The following HECTD4 variants were observed in gnomAD, a reference collection of about 807,000 sequenced individuals.
HECTD4 encodes the protein HECT domain E3 ubiquitin protein ligase 4.
A neutral mutation model predicts 471.5 loss-of-function variants in HECTD4; 114 were observed. The observed-to-expected ratio is 0.24, with a 90% confidence interval of 0.21 to 0.28. The LOEUF (loss-of-function observed/expected upper bound fraction) is 0.28. Among genes scored for constraint, HECTD4 ranks in the 10% least tolerant of loss-of-function variants. The pLI, the probability that HECTD4 is intolerant of heterozygous loss-of-function variation, is 1.00. For missense variants in HECTD4, 3,866 were observed against 5,651.5 expected, an observed-to-expected ratio of 0.68 and a Z score of 10.13; for synonymous variants, 2,012 against 2,256.0, an observed-to-expected ratio of 0.89 and a Z score of 3.07.
At position 112,166,155 on chromosome 12, in the gene HECTD4, TC is replaced by T. The variant is rs1437312656; in HGVS notation, c.12534+1161del. 1 of 152,282 alleles carries T rather than the reference TC, an allele frequency of 6.6e-6. No homozygotes were observed. 9.4% of individuals were successfully genotyped at this position (152,282 alleles called of 1,614,324 possible). On this transcript the variant is annotated intron_variant, in intron 72 of 75. Coordinates refer to ENST00000682272, the MANE Select transcript of HECTD4 (RefSeq NM_001388303.1). The surrounding 1 kb of genome is among the most constrained non-coding windows in gnomAD (Gnocchi z 4.6). ...GCTGCACCCAGAGCCCCAGGAGGACTCCTCGGAGGAGTGCAGGAGACGCATA... is the reference window on the plus strand; with the variant it reads ...GCTGCACCCAGAGCCCCAGGAGGACTCTCGGAGGAGTGCAGGAGACGCATA...
Position 112,235,863 on chromosome 12 carries a change from G to T in HECTD4, c.5445-79C>A. On this transcript the variant is annotated intron_variant, in intron 35 of 75. Transcript: ENST00000682272. This position sits in a 1 kb window ranked among gnomAD's most constrained non-coding sequence, Gnocchi z 5.0. Reference sequence around the variant, plus strand: ...ATTCAGAAGCAAGAGTTCTCTGAATGAAACAAACCAATGAAATCTGATTTC... The same window carrying T: ...ATTCAGAAGCAAGAGTTCTCTGAATTAAACAAACCAATGAAATCTGATTTC... 1.7e-6 allele frequency: 2 copies of T among 1,207,106 alleles called. No homozygotes were observed. Among genetic ancestry groups the T allele is most frequent in the Non-Finnish European group, 2.3e-6 (2 of 872,530 alleles). The allele number at this position is 1,207,106 out of a possible 1,614,324, so 74.8% of individuals were successfully genotyped here.
chr12:112,343,310 T>C (rs995571399), intron 1 of HECTD4, among the ~76,000 whole-genome samples: 3 of 152,238 alleles, frequency 2.0e-5, no homozygotes, highest in African/African-American at 7.2e-5. Flanking sequence ...TGACATTCTA[T>C]TTCTTTGAAC....
At position 112,235,052 on chromosome 12, in the gene HECTD4, T is replaced by C; in HGVS notation, c.5915+25A>G. 2 of 1,548,390 alleles carry C rather than the reference T, an allele frequency of 1.3e-6. No homozygotes were observed. Among genetic ancestry groups the C allele is most frequent in the Non-Finnish European group, 1.7e-6 (2 of 1,144,690 alleles). On this transcript the variant is annotated intron_variant, in intron 37 of 75. Transcript: ENST00000682272. This position sits in a 1 kb window ranked among gnomAD's most constrained non-coding sequence, Gnocchi z 5.0. ...GACATGGGTGGTGCTTGAGGATGTG[T>C]AGCTATCACAATCATTATGGTCACC...
At chr12:112,167,059 C>T (rs949088653) in intron 72 of HECTD4, 2 of 386,742 alleles carry the variant, frequency 5.2e-6, no homozygotes, top group East Asian at 4.4e-5. Context: ...CATGGCCAGG[C>T]AATGAGCACC....
rs769772830 is a variant in HECTD4, at chr12:112,179,212, G to A, written c.11173C>T (p.Arg3725Trp). Residue 3725 changes from arginine to tryptophan, a missense_variant, in exon 63 of 76, where the codon CGG becomes TGG. Around this residue, in one of 16 missense-constraint regions of HECTD4, gnomAD observed 715 missense variants for 1,087.6 expected, o/e 0.66. Coordinates refer to ENST00000682272, the MANE Select transcript of HECTD4 (RefSeq NM_001388303.1). This position sits in a 1 kb window ranked among gnomAD's most constrained non-coding sequence, Gnocchi z 4.3. ...TCCTCCAGCACCTTTTTTGGCGGCC[G>A]GACATTGGTGAAGAAGAGGTGGAGG... is the stretch of plus-strand genomic sequence containing the variant. ...NLLHLFFTNVRPPKKVLEDQL... is the reference protein window; with the variant it reads ...NLLHLFFTNVWPPKKVLEDQL... The A allele has an allele frequency of 1.1e-5, 17 of 1,613,770 alleles. No individual in the cohort carries two copies. The highest frequency in any genetic ancestry group is 8.8e-5 in the South Asian group (8 of 91,024).
At position 112,239,144 on chromosome 12, in the gene HECTD4, T is replaced by G. The variant is rs1211013275; in HGVS notation, c.5198A>C (p.Glu1733Ala). The G allele has an allele frequency of 1.2e-6, 2 of 1,614,000 alleles. No homozygotes were observed. The highest frequency in any genetic ancestry group is 2.2e-5 in the South Asian group (2 of 91,072). Reference protein sequence around the residue: ...LSNQTESSSSEKQTKKQKVAT... With the variant: ...LSNQTESSSSAKQTKKQKVAT... ...CACCTTCTGCTTCTTGGTCTGTTTC[T>G]CACTGGAGCTGGACTCGGTCTGATT... The change falls in exon 34 of 76, where the codon GAG becomes GCG. Residue 1733 changes from glutamate (E) to alanine (A), a missense_variant. By Grantham distance (107) the Glu-to-Ala change is moderately radical. Transcript: ENST00000682272. The surrounding 1 kb of genome is among the most constrained non-coding windows in gnomAD (Gnocchi z 4.9).
Position 112,235,719 on chromosome 12 carries a change from A to G in HECTD4, c.5510T>C (p.Leu1837Pro). 6.2e-7 allele frequency: 1 copy of G among 1,613,998 alleles called. No individual in the cohort carries two copies. The highest frequency in any genetic ancestry group is 8.5e-7 in the Non-Finnish European group (1 of 1,179,884). The part of the protein sequence containing the change: ...ACVSKLLSLL[L>P]DQRPSPKLVL... Reference sequence around the variant, plus strand: ...TAGCTTTGGAGACGGGCGTTGGTCAAGCAGCAGGGAGAGGAGTTTGGACAC... The same window carrying G: ...TAGCTTTGGAGACGGGCGTTGGTCAGGCAGCAGGGAGAGGAGTTTGGACAC... The change falls in exon 36 of 76, where the codon CTT (leucine) becomes CCT (proline). Residue 1837 changes from leucine (L) to proline (P), a missense_variant. Leu to Pro is a moderately conservative substitution (Grantham distance 98). Around this residue, in one of 16 missense-constraint regions of HECTD4, gnomAD observed 12 missense variants for 48.0 expected, o/e 0.25. Transcript: ENST00000682272. This position sits in a 1 kb window ranked among gnomAD's most constrained non-coding sequence, Gnocchi z 5.0.
intron 29 of HECTD4, among the ~76,000 whole-genome samples, chr12:112,244,568 G>A (rs1430622915): frequency 6.6e-6 from 1 of 151,974 alleles, no homozygotes; most frequent in Non-Finnish European, 1.5e-5. Flanking sequence ...ACGGGGTTTC[G>A]CCATGTTGGC....
Position 112,381,750 on chromosome 12 carries a change from C to A in HECTD4, c.177+202G>T, listed in dbSNP as rs1270268479. Among the ~76,000 whole-genome samples, 1 of 151,784 alleles carries A rather than the reference C, an allele frequency of 6.6e-6. No individual in the cohort carries two copies. Among genetic ancestry groups the A allele is most frequent in the African/African-American group, 2.4e-5 (1 of 41,350 alleles). ...GAAATCCCCTGCGGGCGCCAGGCCC[C>A]GAGGAGGGAGGGAGGGAGAGCGGGG... On this transcript the variant is annotated intron_variant, in intron 1 of 75. Transcript: ENST00000682272. This position sits in a 1 kb window ranked among gnomAD's most constrained non-coding sequence, Gnocchi z 4.1.
intron 4 of HECTD4, among the ~76,000 whole-genome samples, chr12:112,311,890 C>G (rs1331994354): frequency 1.3e-5 from 2 of 152,214 alleles, no homozygotes. Context: ...GGCATTCTCC[C>G]TCTCCTGTTG....
intron 1 of HECTD4, among the ~76,000 whole-genome samples, chr12:112,351,778 G>T (rs920468357): frequency 3.6e-4 from 55 of 152,258 alleles, no homozygotes; most frequent in Admixed American, 1.2e-3. Context: ...ACCAAGGATG[G>T]CATAAGTACC....
intron 20 of HECTD4, among the ~76,000 whole-genome samples, chr12:112,257,662 A>C (rs1198612200): frequency 6.6e-6 from 1 of 152,212 alleles, no homozygotes; most frequent in Non-Finnish European, 1.5e-5. Flanking sequence ...TGTATATAAC[A>C]AAAGTTCATT....
chr12:112,235,513 C>A lies in HECTD4; in HGVS notation c.5716G>T (p.Val1906Leu). 6.2e-7 allele frequency: 1 copy of A among 1,610,192 alleles called. No homozygotes were observed. The change falls in exon 36 of 76, where the codon GTG becomes TTG. Residue 1906 changes from valine to leucine, a missense_variant. Physicochemically the swap from Val to Leu is conservative, Grantham distance 32. This residue lies in a region of HECTD4 where 617 missense variants were observed against 915.1 expected (regional missense o/e 0.67). Transcript: ENST00000682272. This position sits in a 1 kb window ranked among gnomAD's most constrained non-coding sequence, Gnocchi z 5.0. The stretch of plus-strand genomic sequence containing the variant: ...TTGAGGAGCTTCTCACCTGGAACCA[C>A]ATAATCTGCCAGCTTTGCTAAGAGC... ...SLLLAKLADY[V>L]VPGCQTVLSP...
chr12:112,305,496 G>A (rs942916538), intron 7 of HECTD4, among the ~76,000 whole-genome samples: 5 of 150,224 alleles, frequency 3.3e-5, no homozygotes, highest in African/African-American at 7.5e-5. Flanking sequence ...CGATTATCTC[G>A]TGCGCTTATT....
At chr12:112,335,680 T>G (rs2035944455) in intron 1 of HECTD4, among the ~76,000 whole-genome samples, 1 of 152,048 alleles carries the variant, frequency 6.6e-6, no homozygotes, top group Admixed American at 6.6e-5. Context: ...AGAGTGAGAC[T>G]CTGTCTCAAA....
intron 7 of HECTD4, among the ~76,000 whole-genome samples, chr12:112,304,572 C>T (rs1038594731): frequency 2.6e-5 from 4 of 151,968 alleles, no homozygotes; most frequent in Non-Finnish European, 5.9e-5. Flanking sequence ...GAGATCCTCC[C>T]ATCTCAGCCT....
At chr12:112,300,993 T>C (rs1193028250) in intron 7 of HECTD4, among the ~76,000 whole-genome samples, 1 of 152,038 alleles carries the variant, frequency 6.6e-6, no homozygotes, top group Non-Finnish European at 1.5e-5. Context: ...CAAGGAATTC[T>C]CCTGCCTCAG....
intron 1 of HECTD4, among the ~76,000 whole-genome samples, chr12:112,353,439 A>AAT (rs2036280929): frequency 3.9e-5 from 6 of 152,256 alleles, no homozygotes; most frequent in African/African-American, 1.4e-4. Flanking sequence ...AACATATATT[A>AAT]CTAAAAAAAG....
rs2031824564 is a variant in HECTD4 at position 112,185,391 on chromosome 12, C to T, written c.9575G>A (p.Arg3192Gln). 23 of 1,612,432 alleles carry T rather than the reference C, an allele frequency of 1.4e-5. No individual in the cohort carries two copies. Among genetic ancestry groups the T allele is most frequent in the Non-Finnish European group, 1.9e-5 (23 of 1,179,522 alleles). ...TGAGGAGGACAGGCCAGCGGGGTGCCGCCTCTGCTCCAGGGTGTGCACCGT... is the reference window on the plus strand; with the variant it reads ...TGAGGAGGACAGGCCAGCGGGGTGCTGCCTCTGCTCCAGGGTGTGCACCGT... Reference protein sequence around the residue: ...LRTVHTLEQRRHPAGLSSSIA... With the variant: ...LRTVHTLEQRQHPAGLSSSIA... Residue 3192 changes from arginine (R) to glutamine (Q), a missense_variant, in exon 61 of 76, where the codon CGG (arginine) becomes CAG (glutamine). This residue lies in a region of HECTD4 where 364 missense variants were observed against 413.2 expected (regional missense o/e 0.88). Coordinates refer to ENST00000682272, the MANE Select transcript of HECTD4 (RefSeq NM_001388303.1).
Sources: gnomAD v4.1 joint callset for allele counts (sites outside exome capture counted in the v4.1 genomes callset) on GRCh38, gnomAD v4.1.1 for gene constraint, gnomAD v4.1.1 regional missense constraint, Gnocchi (gnomAD v3.1) non-coding constraint, MANE v1.5 for transcripts, NCBI Gene and HGNC (gene_info 2026-07-23, HGNC 2026-07-21) for gene names.